PCDH11X: variants seen among roughly 807,000 people sequenced by gnomAD.
The protein encoded by PCDH11X is protocadherin-11 X-linked.
Under a neutral mutation model 53.3 loss-of-function variants are expected in PCDH11X, and 18 were observed. The ratio of observed to expected loss-of-function variants is 0.34; its 90% CI spans 0.23 to 0.50. The LOEUF (loss-of-function observed/expected upper bound fraction) is 0.50. PCDH11X is among the 20% of genes least tolerant of loss of function. The pLI is 0.98. For missense variants in PCDH11X, 570 were observed against 1,032.4 expected, an observed-to-expected ratio of 0.55 and a Z score of 6.14; for synonymous variants, 279 against 393.3, an observed-to-expected ratio of 0.71 and a Z score of 3.44.
intron 8 of PCDH11X, among the ~76,000 whole-genome samples, chrX:92,385,297 C>G (rs2522755): frequency 0.39 from 38,054 of 97,254 alleles, 7,612 homozygotes; most frequent in Non-Finnish European, 0.45. Flanking sequence ...GATTATGTCT[C>G]TGTAGAGGTG....
intron 6 of PCDH11X, among the ~76,000 whole-genome samples, chrX:91,984,949 C>T (rs1251649771): frequency 9.0e-6 from 1 of 111,402 alleles, no homozygotes; most frequent in Non-Finnish European, 1.9e-5. Context: ...ATCACAGGCC[C>T]CTTGGTTTGA....
intron 6 of PCDH11X, among the ~76,000 whole-genome samples, chrX:92,151,462 G>A (rs1307037944): frequency 9.0e-6 from 1 of 111,606 alleles, no homozygotes; most frequent in Non-Finnish European, 1.9e-5. Context: ...AAAGTGCTGG[G>A]ATTACAGGCT....
chrX:92,179,845 C>T (rs748006271), intron 6 of PCDH11X, among the ~76,000 whole-genome samples: 87 of 111,865 alleles, frequency 7.8e-4, no homozygotes, highest in Non-Finnish European at 1.5e-3. Flanking sequence ...CAGCAATCAG[C>T]AGTAGAGTAC....
At chrX:92,111,253 C>CAAAAAAAAAAAAAAAAAAAAA (rs2064503540) in intron 6 of PCDH11X, among the ~76,000 whole-genome samples, 4 of 52,399 alleles carry the variant, frequency 7.6e-5, no homozygotes, top group East Asian at 2.9e-3. Flanking sequence ...AAAAAAAAAT[C>CAAAAAAAAAAAAAAAAAAAAA]AGCGTCAACT....
chrX:92,258,441 C>G (rs1377666489), intron 7 of PCDH11X, among the ~76,000 whole-genome samples: 2 of 106,122 alleles, frequency 1.9e-5, no homozygotes, highest in African/African-American at 6.9e-5. Flanking sequence ...GATCTCGGCT[C>G]GCTGCATGCT....
At chrX:92,251,709 A>G (rs2067464242) in intron 7 of PCDH11X, among the ~76,000 whole-genome samples, 1 of 111,301 alleles carries the variant, frequency 9.0e-6, no homozygotes, top group Admixed American at 9.6e-5. Context: ...CAAGGTGATG[A>G]TGGCAATGGC....
intron 5 of PCDH11X, among the ~76,000 whole-genome samples, chrX:91,836,515 T>A (rs2147620476): frequency 9.2e-6 from 1 of 109,205 alleles, no homozygotes; most frequent in African/African-American, 3.4e-5. Flanking sequence ...TAGAACAATT[T>A]AATTTATTAC....
intron 6 of PCDH11X, among the ~76,000 whole-genome samples, chrX:92,175,720 C>G (rs1443803353): frequency 9.8e-6 from 1 of 102,330 alleles, no homozygotes; most frequent in Non-Finnish European, 2.0e-5. Flanking sequence ...TAAAGATATT[C>G]TTCCCTGAAA....
At chrX:92,188,031 C>T (rs73245217) in intron 6 of PCDH11X, among the ~76,000 whole-genome samples, 2,832 of 111,257 alleles carry the variant, frequency 0.025, 38 homozygotes, top group Non-Finnish European at 0.036. Context: ...GACAATTTCA[C>T]CTCCTTTCAA....
chrX:92,106,819 C>G (rs771868246), intron 6 of PCDH11X, among the ~76,000 whole-genome samples: 4 of 111,892 alleles, frequency 3.6e-5, no homozygotes, highest in African/African-American at 9.7e-5. Context: ...TGGACCCCTC[C>G]TCTTGGCCAA....
At chrX:92,109,334 A>C (rs1471212056) in intron 6 of PCDH11X, among the ~76,000 whole-genome samples, 2 of 110,393 alleles carry the variant, frequency 1.8e-5, no homozygotes, top group Non-Finnish European at 3.8e-5. Flanking sequence ...AGATCATGCC[A>C]CTGCACTCCA....
chrX:92,583,989 GA>G (rs1009123471), intron 10 of PCDH11X, among the ~76,000 whole-genome samples: 5 of 108,796 alleles, frequency 4.6e-5, no homozygotes, highest in Non-Finnish European at 7.6e-5. Flanking sequence ...AGCTATCTTG[GA>G]AAAATCACAA....
chrX:91,953,591 C>T (rs1416861386), intron 6 of PCDH11X, among the ~76,000 whole-genome samples: 14 of 110,934 alleles, frequency 1.3e-4, no homozygotes, highest in African/African-American at 4.0e-4. Context: ...GGTCTAACCA[C>T]AAATTGCTAT....
chrX:91,852,765 A>G (rs1233818845), intron 5 of PCDH11X, among the ~76,000 whole-genome samples: 1 of 110,528 alleles, frequency 9.0e-6, no homozygotes, highest in African/African-American at 3.3e-5. Flanking sequence ...TCTCTTGCCC[A>G]ATTGTGACAA....
chrX:92,414,968 A>G (rs1289171766), intron 9 of PCDH11X, among the ~76,000 whole-genome samples: 1 of 110,689 alleles, frequency 9.0e-6, no homozygotes, highest in Non-Finnish European at 1.9e-5. Flanking sequence ...ATCTTTGAGG[A>G]CAGTGTATAC....
intron 8 of PCDH11X, among the ~76,000 whole-genome samples, chrX:92,280,652 T>C (rs1007611691): frequency 3.6e-5 from 4 of 111,222 alleles, no homozygotes; most frequent in Non-Finnish European, 7.5e-5. Flanking sequence ...TGGAGAATTA[T>C]GTCCCAAATT....
intron 7 of PCDH11X, among the ~76,000 whole-genome samples, chrX:92,262,338 A>G (rs62598534): frequency 0.12 from 13,224 of 111,116 alleles, 1,223 homozygotes; most frequent in African/African-American, 0.3. Context: ...ACAGACTTTC[A>G]GGAGCATCAT....
intron 10 of PCDH11X, among the ~76,000 whole-genome samples, chrX:92,487,394 G>A (rs775736023): frequency 9.0e-6 from 1 of 111,104 alleles, no homozygotes; most frequent in African/African-American, 3.3e-5. Flanking sequence ...TAGAGAGATA[G>A]TACTTAATGT....
intron 6 of PCDH11X, among the ~76,000 whole-genome samples, chrX:92,018,744 A>C (rs980704306): frequency 3.5e-5 from 4 of 112,714 alleles, no homozygotes; most frequent in African/African-American, 1.3e-4. Context: ...ACGTGTTTGC[A>C]TGTGTACACA....
Sources: allele counts gnomAD v4.1 joint callset (sites outside exome capture counted in the v4.1 genomes callset), GRCh38; gene constraint gnomAD v4.1.1; transcripts MANE v1.5; gene names NCBI Gene and HGNC (gene_info 2026-07-23, HGNC 2026-07-21).